TTC12: variants seen among roughly 807,000 people sequenced by gnomAD.
The protein encoded by TTC12 is tetratricopeptide repeat domain 12, also known as tetratricopeptide repeat protein 12.
A neutral mutation model predicts 90.1 loss-of-function variants in TTC12; 70 were observed. The observed-to-expected ratio is 0.78, with a 90% CI of 0.64 to 0.95. The LOEUF (loss-of-function observed/expected upper bound fraction) is 0.95. TTC12 is among the 40% of genes least tolerant of loss of function. The pLI, the probability that TTC12 is intolerant of heterozygous loss-of-function variation, is 0.00. For missense variants in TTC12, 819 were observed against 846.1 expected, an observed-to-expected ratio of 0.97 and a Z score of 0.40; for synonymous variants, 296 against 311.5, an observed-to-expected ratio of 0.95 and a Z score of 0.53.
At chr11:113,318,920 G>A (rs983072757) in intron 2 of TTC12, among the ~76,000 whole-genome samples, 5 of 152,136 alleles carry the variant, frequency 3.3e-5, no homozygotes, top group African/African-American at 9.7e-5. Context: ...TGTGTTTACC[G>A]AGAGCAGTAA....
downstream of TTC12, among the ~76,000 whole-genome samples, chr11:113,367,720 C>CAG (rs10649760): frequency 0.68 from 103,442 of 151,972 alleles, 35,585 homozygotes; most frequent in African/African-American, 0.76. Flanking sequence ...CATTTGGTGA[C>CAG]GGGGGTGGGC....
chr11:113,365,425 T>G (rs1405762823), intron 21 of TTC12: 4 of 242,486 alleles, frequency 1.6e-5, no homozygotes, highest in South Asian at 6.6e-5. Flanking sequence ...CCCTCTTTTC[T>G]CTCTTCTCCA....
chr11:113,341,127 G>A (rs1948656652), intron 11 of TTC12, among the ~76,000 whole-genome samples: 1 of 152,180 alleles, frequency 6.6e-6, no homozygotes, highest in Non-Finnish European at 1.5e-5. Context: ...CTGCTCAGGA[G>A]GCTGAGGCAC....
intron 16 of TTC12, among the ~76,000 whole-genome samples, chr11:113,358,919 T>A (rs936835467): frequency 5.9e-5 from 9 of 152,074 alleles, no homozygotes; most frequent in Admixed American, 5.2e-4. Context: ...TTACTCCCTT[T>A]CTGCCCTGCT....
downstream of TTC12, among the ~76,000 whole-genome samples, chr11:113,366,615 T>C (rs1950226140): frequency 1.3e-5 from 2 of 152,256 alleles, no homozygotes; most frequent in South Asian, 4.1e-4. Flanking sequence ...AGATGGGAAC[T>C]AGTGGCCAAT....
intron 12 of TTC12, among the ~76,000 whole-genome samples, chr11:113,342,663 C>A (rs1225368532): frequency 3.3e-5 from 5 of 152,076 alleles, no homozygotes; most frequent in African/African-American, 1.2e-4. Context: ...GGAGATAATA[C>A]CTTTTTTTTT....
chr11:113,336,759 T>G (rs782420615), intron 8 of TTC12, among the ~76,000 whole-genome samples: 3 of 152,236 alleles, frequency 2.0e-5, no homozygotes, highest in Admixed American at 6.5e-5. Flanking sequence ...TTTTGTAGCT[T>G]TGTATTAAGT....
In TTC12 at chr11:113,364,982, C is replaced by T; in HGVS notation, c.1964C>T (p.Ala655Val). The change falls in exon 21 of 22, where the codon GCA becomes GTA. Residue 655 changes from alanine to valine, a missense_variant. Physicochemically the swap from Ala to Val is moderately conservative, Grantham distance 64. Transcript: ENST00000529221. Reference sequence around the variant, plus strand: ...CTTTTGCAGGTCTTGTTAAAGCTTGCAGGCAGTGACACACAGAAGACGGCC... The same window carrying T: ...CTTTTGCAGGTCTTGTTAAAGCTTGTAGGCAGTGACACACAGAAGACGGCC... ...TDLLQVLLKLAGSDTQKTAVQ... is the reference protein window; with the variant it reads ...TDLLQVLLKLVGSDTQKTAVQ... The T allele has an allele frequency of 1.9e-6, 3 of 1,614,162 alleles. No individual in the cohort carries two copies. The highest frequency in any genetic ancestry group is 2.2e-5 in the East Asian group (1 of 44,870).
chr11:113,354,026 G>A (rs1209564062), intron 16 of TTC12, among the ~76,000 whole-genome samples: 1 of 152,148 alleles, frequency 6.6e-6, no homozygotes, highest in Non-Finnish European at 1.5e-5. Flanking sequence ...AGTAGGAATT[G>A]CATTGAATCT....
rs577266834 is a variant in TTC12, at chr11:113,359,283, G to A, written c.1447-80G>A. ...ATTTAGGGAGTGTGGGGAACTCTGAGACCCTTGTCCAAGGGAAAAGATGAC... is the reference window on the plus strand; with the variant it reads ...ATTTAGGGAGTGTGGGGAACTCTGAAACCCTTGTCCAAGGGAAAAGATGAC... On this transcript the variant is annotated intron_variant, in intron 16 of 21. Coordinates refer to ENST00000529221, the MANE Select transcript of TTC12 (RefSeq NM_017868.4). 12 of 908,870 alleles carry A rather than the reference G, an allele frequency of 1.3e-5. No homozygotes were observed. The East Asian group carries it at 2.4e-4, about 18-fold the overall frequency. The allele number at this position is 908,870 out of a possible 1,614,324, so 56.3% of individuals were successfully genotyped here.
intron 15 of TTC12, 49 bp downstream of exon 15, chr11:113,351,348 G>C (rs373516845): frequency 1.4e-6 from 2 of 1,470,058 alleles, no homozygotes; most frequent in Admixed American, 1.7e-5. Flanking sequence ...TCTCAGGAGC[G>C]TGAATGGGGC....
intron 13 of TTC12, among the ~76,000 whole-genome samples, chr11:113,347,585 G>A (rs575676755): frequency 3.9e-5 from 6 of 152,246 alleles, no homozygotes; most frequent in Admixed American, 1.3e-4. Context: ...TGCCTGCCCC[G>A]TACTATTCTG....
chr11:113,318,658 G>T (rs1221442144), intron 2 of TTC12, among the ~76,000 whole-genome samples: 1 of 152,206 alleles, frequency 6.6e-6, no homozygotes, highest in African/African-American at 2.4e-5. Context: ...AAGTTTTCCA[G>T]AAGAAGTGAG....
chr11:113,363,680 C>T, intron 19 of TTC12, 148 bp from the exon 20 acceptor site: 1 of 608,382 alleles, frequency 1.6e-6, no homozygotes, highest in East Asian at 2.9e-5. Flanking sequence ...ACCATGCCTG[C>T]CCACCAGGAA....
intron 19 of TTC12, 124 bp from the exon 20 acceptor site, chr11:113,363,703 CT>C (rs1950059406): frequency 6.1e-6 from 4 of 655,760 alleles, no homozygotes; most frequent in Non-Finnish European, 1.0e-5. Context: ...ACATGCCGTT[CT>C]CAGTAGAATT....
Position 113,365,032 on chromosome 11 carries a change from C to G in TTC12, c.2014C>G (p.Leu672Val). Residue 672 changes from leucine to valine, a missense_variant, in exon 21 of 22, where the codon CTG becomes GTG. Leu to Val is a conservative substitution (Grantham distance 32). Transcript: ENST00000529221. ...CGTGCAGGTGAACGCAGGCATTGCT[C>G]TGGGGAAGCTGTGCACAGCTGAGCC... Reference protein sequence around the residue: ...TAVQVNAGIALGKLCTAEPRF... With the variant: ...TAVQVNAGIAVGKLCTAEPRF... 6.2e-7 allele frequency: 1 copy of G among 1,614,078 alleles called. No homozygotes were observed. The highest frequency in any genetic ancestry group is 1.7e-4 in the Middle Eastern group (1 of 6,050).
intron 13 of TTC12, among the ~76,000 whole-genome samples, chr11:113,345,605 C>T (rs1307242173): frequency 3.3e-5 from 5 of 152,324 alleles, no homozygotes; most frequent in African/African-American, 1.2e-4. Flanking sequence ...TACGGCTCCC[C>T]TTCCAGGCCC....
rs2303380 is a variant in TTC12 at position 113,329,987 on chromosome 11, G to C, written c.504+8G>C. On this transcript the variant is annotated splice_region_variant and intron_variant, in intron 7 of 21. Coordinates refer to ENST00000529221, the MANE Select transcript of TTC12 (RefSeq NM_017868.4). ...TGTGAGTGGGCTCTCAAGGTAAGAGGGTATTTCTTTTCCCACATGATAGTG... is the reference window on the plus strand; with the variant it reads ...TGTGAGTGGGCTCTCAAGGTAAGAGCGTATTTCTTTTCCCACATGATAGTG... The C allele has an allele frequency of 1.2e-6, 2 of 1,608,580 alleles. No homozygotes were observed. The highest frequency in any genetic ancestry group is 2.2e-5 in the South Asian group (2 of 90,986).
chr11:113,367,763 T>C (rs1284284844), downstream of TTC12, among the ~76,000 whole-genome samples: 1 of 152,172 alleles, frequency 6.6e-6, no homozygotes, highest in Non-Finnish European at 1.5e-5. Context: ...GAGCCCCTCA[T>C]TCAGATTGAT....
Sources: allele counts gnomAD v4.1 joint callset (sites outside exome capture counted in the v4.1 genomes callset), GRCh38; gene constraint gnomAD v4.1.1; transcripts MANE v1.5; gene names NCBI Gene and HGNC (gene_info 2026-07-23, HGNC 2026-07-21).